Variants in PBX1 observed in about 807,000 individuals in gnomAD.
The protein encoded by PBX1 is pre-B-cell leukemia transcription factor 1.
Under a neutral mutation model 53.4 loss-of-function variants are expected in PBX1, and 6 were observed. That is an observed-to-expected ratio of 0.11 (90% CI 0.06 to 0.22). The LOEUF (loss-of-function observed/expected upper bound fraction) is 0.22, where lower values mean the gene tolerates loss of function less well. Ranked by LOEUF, PBX1 falls within the 10% of genes least tolerant of loss-of-function variation. The pLI, the probability that PBX1 is intolerant of heterozygous loss-of-function variation, is 1.00. For synonymous variants in PBX1, 204 were observed against 212.3 expected (o/e 0.96, Z 0.34); for missense variants, 251 against 551.4 (o/e 0.46, Z 5.46).
chr1:164,687,539 G>C (rs1662180476), intron 2 of PBX1, among the ~76,000 whole-genome samples: 1 of 145,062 alleles, frequency 6.9e-6, no homozygotes, highest in South Asian at 2.2e-4. Context: ...ACTCCAGCTG[G>C]GTGATAAAGT....
In PBX1 at chr1:164,802,005, T is replaced by C. The variant is rs188553220; in HGVS notation, c.701+2116T>C. 5.4e-4 allele frequency among the ~76,000 whole-genome samples: 82 copies of C among 152,304 alleles called. 2 individuals are homozygous for C. The highest frequency in any genetic ancestry group is 8.7e-4 in the Non-Finnish European group (59 of 68,024). ...AAGAAAGACACACTCACTGCAGATA[T>C]TCACATGCTCCTCTAAACCATGCAT... On this transcript the variant is annotated intron_variant, in intron 4 of 8. Transcript: ENST00000420696.
rs539776578 is a variant in PBX1, at chr1:164,819,969, T to TG, written c.998-95dup. 295 of 672,962 alleles carry TG rather than the reference T, an allele frequency of 4.4e-4. 1 individual carries two copies. Among genetic ancestry groups the TG allele is most frequent in the East Asian group, 1.3e-3 (49 of 38,500 alleles). The allele number at this position is 672,962 out of a possible 1,614,324, so 41.7% of individuals were successfully genotyped here. On this transcript the variant is annotated intron_variant, in intron 6 of 8. Coordinates refer to ENST00000420696, the MANE Select transcript of PBX1 (RefSeq NM_002585.4). The stretch of plus-strand genomic sequence containing the variant: ...TGTTATTTTTATTTTAGTTTTTATT[T>TG]GGGGGGGGTTGCTTTGCATGTCATT...
intron 2 of PBX1, among the ~76,000 whole-genome samples, chr1:164,668,176 T>A (rs902154979): frequency 2.0e-5 from 3 of 152,168 alleles, no homozygotes; most frequent in African/African-American, 7.2e-5. Flanking sequence ...GGCTACATGG[T>A]CCTGAACTTG....
intron 2 of PBX1, among the ~76,000 whole-genome samples, chr1:164,776,151 AT>A (rs1472936181): frequency 3.3e-5 from 5 of 152,258 alleles, no homozygotes; most frequent in African/African-American, 1.2e-4. Flanking sequence ...TAATTAATAG[AT>A]TTCAGTGAAG....
chr1:164,694,237 A>G (rs1233906037), intron 2 of PBX1, among the ~76,000 whole-genome samples: 2 of 152,046 alleles, frequency 1.3e-5, no homozygotes, highest in Non-Finnish European at 2.9e-5. Context: ...TCATCTCTGT[A>G]TTCTCTTGGT....
In PBX1 at chr1:164,820,078, C is replaced by G. The variant is rs1480599224; in HGVS notation, c.1004C>G (p.Ser335Cys). ...SPSTPNSAGS[S>C]SSFNMSNSGD... The stretch of plus-strand genomic sequence containing the variant: ...CTCACTCTTTCCTTTCCAGGTTCTT[C>G]CAGTTCTTTTAACATGTCAAACTCT... The change falls in exon 7 of 9, where the codon TCC (serine) becomes TGC (cysteine). Residue 335 changes from serine (S) to cysteine (C), a missense_variant. This residue lies in a region of PBX1 where 92 missense variants were observed against 130.4 expected (regional missense o/e 0.71). Coordinates refer to ENST00000420696, the MANE Select transcript of PBX1 (RefSeq NM_002585.4). The G allele has an allele frequency of 1.9e-6, 3 of 1,605,856 alleles. No individual in the cohort carries two copies. Among genetic ancestry groups the G allele is most frequent in the Non-Finnish European group, 2.6e-6 (3 of 1,173,144 alleles).
chr1:164,807,022 G>T (rs1669388906), intron 4 of PBX1, among the ~76,000 whole-genome samples: 1 of 152,184 alleles, frequency 6.6e-6, no homozygotes, highest in African/African-American at 2.4e-5. Context: ...ACTTTGGGAG[G>T]CTGAGGCAGG....
intron 2 of PBX1, among the ~76,000 whole-genome samples, chr1:164,564,982 G>A (rs1047681437): frequency 5.9e-5 from 9 of 152,170 alleles, no homozygotes; most frequent in Admixed American, 2.0e-4. Flanking sequence ...AAAAGCATAT[G>A]TGATAATATG....
chr1:164,561,587 C>G (rs1340843239), intron 1 of PBX1, among the ~76,000 whole-genome samples: 2 of 152,180 alleles, frequency 1.3e-5, no homozygotes, highest in Non-Finnish European at 2.9e-5. Flanking sequence ...AGAATACTCT[C>G]AGACATACCA....
intron 2 of PBX1, among the ~76,000 whole-genome samples, chr1:164,643,520 C>T (rs568290672): frequency 6.2e-4 from 94 of 152,090 alleles, no homozygotes; most frequent in Non-Finnish European, 1.3e-3. Context: ...TTTTAAGTTC[C>T]AGAATGTGAC....
rs116674770 is a variant in PBX1, at chr1:164,750,827, T to A, written c.266-41667T>A. 3.1e-3 allele frequency among the ~76,000 whole-genome samples: 478 copies of A among 152,264 alleles called. 2 individuals are homozygous for A. Among genetic ancestry groups the A allele is most frequent in the African/African-American group, 0.011 (463 of 41,538 alleles). On this transcript the variant is annotated intron_variant, in intron 2 of 8. Transcript: ENST00000420696. ...TGACTTGTAGGCAGTGGCTTATATA[T>A]CAGTTAATTAGCCAAAATGATAGCG... is the stretch of plus-strand genomic sequence containing the variant.
chr1:164,812,210 G>A (rs1289514349), intron 6 of PBX1, 61 bp downstream of exon 6: 5 of 1,433,530 alleles, frequency 3.5e-6, no homozygotes, highest in Admixed American at 2.1e-5. Flanking sequence ...TATACTGGCT[G>A]TTCCTACATT....
intron 2 of PBX1, among the ~76,000 whole-genome samples, chr1:164,884,849 C>G (rs1672741024): frequency 6.6e-6 from 1 of 152,196 alleles, no homozygotes; most frequent in African/African-American, 2.4e-5. Flanking sequence ...TAAGCATTTA[C>G]TGTGCACCAC....
chr1:164,598,985 CTA>C, intron 2 of PBX1, among the ~76,000 whole-genome samples: 1 of 151,660 alleles, frequency 6.6e-6, no homozygotes, highest in South Asian at 2.1e-4. Context: ...CAGCTCCAGT[CTA>C]TGTCCTGACC....
rs1053975254 is a variant in PBX1, at chr1:164,750,470, TA to T, written c.266-42017del. Among the ~76,000 whole-genome samples, 91 of 150,004 alleles carry T rather than the reference TA, an allele frequency of 6.1e-4. 1 individual carries two copies. Among genetic ancestry groups the T allele is most frequent in the Admixed American group, 2.6e-3 (40 of 15,198 alleles). On this transcript the variant is annotated intron_variant, in intron 2 of 8. Transcript: ENST00000420696. ...CTAAAATAAATTCTCAATCAGAGCT[TA>T]AAAAAATTTTTTTTAAGCCCACAAT...
At chr1:164,680,198 A>G (rs1290075543) in intron 2 of PBX1, 3 of 152,236 alleles carry the variant, frequency 2.0e-5, no homozygotes, top group Non-Finnish European at 2.9e-5. Flanking sequence ...TAGATATTTC[A>G]TAAGGAATTA....
At chr1:164,721,735 G>A (rs781659557) in intron 2 of PBX1, among the ~76,000 whole-genome samples, 1 of 152,040 alleles carries the variant, frequency 6.6e-6, no homozygotes, top group African/African-American at 2.4e-5. Flanking sequence ...CCTCCTTCTC[G>A]GCTTGACTCT....
At chr1:164,627,892 T>A (rs894338835) in intron 2 of PBX1, among the ~76,000 whole-genome samples, 1 of 152,222 alleles carries the variant, frequency 6.6e-6, no homozygotes, top group Non-Finnish European at 1.5e-5. Flanking sequence ...GCCCCTGAAT[T>A]TACCCAAGCT....
chr1:164,796,334 T>C (rs1668786464), intron 3 of PBX1, among the ~76,000 whole-genome samples: 1 of 152,162 alleles, frequency 6.6e-6, no homozygotes, highest in South Asian at 2.1e-4. Flanking sequence ...AGCTGTCATA[T>C]TATAATAGAT....
Sources: allele counts gnomAD v4.1 joint callset (sites outside exome capture counted in the v4.1 genomes callset), GRCh38; gene constraint gnomAD v4.1.1; regional missense constraint gnomAD v4.1.1; transcripts MANE v1.5; gene names NCBI Gene and HGNC (gene_info 2026-07-23, HGNC 2026-07-21).